The following DGKB variants were observed in gnomAD, a reference collection of about 807,000 sequenced individuals.
DGKB encodes the protein diacylglycerol kinase beta.
A neutral mutation model predicts 114.3 loss-of-function variants in DGKB; 67 were observed. The ratio of observed to expected loss-of-function variants is 0.59; its 90% CI spans 0.48 to 0.72. DGKB has a LOEUF of 0.72. Ranked by LOEUF, DGKB falls within the 30% of genes least tolerant of loss-of-function variation. The pLI, the probability that DGKB is intolerant of heterozygous loss-of-function variation, is 0.00. For synonymous variants in DGKB, 398 were observed against 323.1 expected (o/e 1.23, Z -2.49); for missense variants, 907 against 975.2 (o/e 0.93, Z 0.93).
At chr7:14,762,919 C>A (rs966976252) in intron 2 of DGKB, among the ~76,000 whole-genome samples, 4 of 152,110 alleles carry the variant, frequency 2.6e-5, no homozygotes, top group African/African-American at 9.7e-5. Flanking sequence ...AATCCTTGTT[C>A]CTTTATTTCA....
At chr7:14,442,262 A>T (rs181556979) in intron 21 of DGKB, among the ~76,000 whole-genome samples, 95 of 151,918 alleles carry the variant, frequency 6.3e-4, no homozygotes, top group African/African-American at 2.2e-3. Flanking sequence ...TGTAAATAGC[A>T]TTTCTCTATT....
intron 21 of DGKB, among the ~76,000 whole-genome samples, chr7:14,372,061 C>G (rs1256900815): frequency 1.3e-5 from 2 of 152,170 alleles, no homozygotes; most frequent in African/African-American, 4.8e-5. Context: ...AAGTGCCTTT[C>G]TCTTTCAGCG....
chr7:14,265,874 A>G (rs1232550027), intron 23 of DGKB, among the ~76,000 whole-genome samples: 1 of 152,228 alleles, frequency 6.6e-6, no homozygotes, highest in African/African-American at 2.4e-5. Flanking sequence ...GTAAACATAT[A>G]TAAAACAATT....
Position 14,643,936 on chromosome 7 carries a change from G to A in DGKB, c.1135-13668C>T, listed in dbSNP as rs532519646. ...GCGCACCTTTGCACACCATTTAGGA[G>A]CCAGAGGAGTGGACCAACCAGGGTC... On this transcript the variant is annotated intron_variant, in intron 13 of 25. Coordinates refer to ENST00000402815, the MANE Select transcript of DGKB (RefSeq NM_001350709.2). 2.0e-5 allele frequency among the ~76,000 whole-genome samples: 3 copies of A among 152,258 alleles called. No homozygotes were observed. In the South Asian group the frequency reaches 6.2e-4, roughly 32 times the overall value.
chr7:14,446,024 G>A (rs754068428), intron 21 of DGKB, among the ~76,000 whole-genome samples: 24 of 151,956 alleles, frequency 1.6e-4, no homozygotes, highest in Non-Finnish European at 1.3e-4. Context: ...AGGAAAACCC[G>A]TGCTTTCTTG....
chr7:14,665,055 C>T (rs766085206), intron 13 of DGKB, among the ~76,000 whole-genome samples: 1 of 151,886 alleles, frequency 6.6e-6, no homozygotes. Context: ...ACAATGGTTA[C>T]TTATGTATCA....
chr7:14,823,946 AAG>A lies in DGKB; in HGVS notation c.70+17246_70+17247del, dbSNP rs541896620. Reference sequence around the variant, plus strand: ...CTGAGACTGGATCATTTATAAAAGAAAGAGGTTTAATTGACTCATAGTTCCAC... The same window carrying A: ...CTGAGACTGGATCATTTATAAAAGAAAGGTTTAATTGACTCATAGTTCCAC... On this transcript the variant is annotated intron_variant, in intron 2 of 25. Transcript: ENST00000402815. Among the ~76,000 whole-genome samples the A allele has an allele frequency of 1.4e-3, 210 of 152,336 alleles. 1 individual carries two copies. The highest frequency in any genetic ancestry group is 4.8e-3 in the African/African-American group (201 of 41,574).
chr7:14,769,228 G>GAAAGAA lies in DGKB; in HGVS notation c.71-11498_71-11497insTTCTTT, dbSNP rs1554265922. On this transcript the variant is annotated intron_variant, in intron 2 of 25. Coordinates refer to ENST00000402815, the MANE Select transcript of DGKB (RefSeq NM_001350709.2). ...GAAAGGAAAGAAAGAGAAAGAGAGA[G>GAAAGAA]AGAAAGAAAGAAAGAAAGAAAGAAA... 3.8e-4 allele frequency among the ~76,000 whole-genome samples: 46 copies of GAAAGAA among 119,686 alleles called. 1 individual carries two copies. Among genetic ancestry groups the GAAAGAA allele is most frequent in the South Asian group, 8.8e-4 (3 of 3,398 alleles). 78.5% of individuals were successfully genotyped at this position (119,686 alleles called of 152,430 possible).
At chr7:14,499,739 G>A (rs944127756) in intron 20 of DGKB, among the ~76,000 whole-genome samples, 22 of 151,898 alleles carry the variant, frequency 1.4e-4, no homozygotes, top group Middle Eastern at 6.8e-3. Context: ...ATAAACTAAC[G>A]TTAATATCAA....
intron 23 of DGKB, among the ~76,000 whole-genome samples, chr7:14,215,704 G>C (rs1788840922): frequency 6.6e-6 from 1 of 152,064 alleles, no homozygotes; most frequent in African/African-American, 2.4e-5. Flanking sequence ...GGTAGGATTT[G>C]CCATCAGCCA....
chr7:14,858,008 G>T lies in DGKB; in HGVS notation c.-187-16558C>A, dbSNP rs573932590. The stretch of plus-strand genomic sequence containing the variant: ...TGAACCTTTATAATTAATGCTCAAA[G>T]GATAGTAGTTCTCAGCCATTATTAA... On this transcript the variant is annotated intron_variant, in intron 1 of 25. Coordinates refer to ENST00000402815, the MANE Select transcript of DGKB (RefSeq NM_001350709.2). Among the ~76,000 whole-genome samples, 86 of 152,148 alleles carry T rather than the reference G, an allele frequency of 5.7e-4. 1 individual carries two copies. In the Middle Eastern group the frequency reaches 0.01, roughly 18 times the overall value.
At chr7:14,847,154 G>A (rs1848735226) in intron 1 of DGKB, among the ~76,000 whole-genome samples, 1 of 152,044 alleles carries the variant, frequency 6.6e-6, no homozygotes, top group African/African-American at 2.4e-5. Flanking sequence ...AACAGAGCGT[G>A]GTGGTGGGCA....
chr7:14,868,497 G>A (rs1014411250), intron 1 of DGKB, among the ~76,000 whole-genome samples: 4 of 151,928 alleles, frequency 2.6e-5, no homozygotes, highest in African/African-American at 7.3e-5. Context: ...ACAATGCCCA[G>A]CTAATTTTGT....
chr7:14,653,793 A>G (rs1377278911), intron 13 of DGKB, among the ~76,000 whole-genome samples: 3 of 152,120 alleles, frequency 2.0e-5, no homozygotes, highest in Non-Finnish European at 2.9e-5. Flanking sequence ...TCATCATAAT[A>G]GAAACCAAAA....
intron 3 of DGKB, among the ~76,000 whole-genome samples, chr7:14,754,808 T>C (rs971165143): frequency 1.3e-5 from 2 of 152,164 alleles, no homozygotes; most frequent in Non-Finnish European, 2.9e-5. Flanking sequence ...GAGTCATTAA[T>C]ATGTATGTGT....
In DGKB at chr7:14,329,775, T is replaced by A. The variant is rs551055954; in HGVS notation, c.2122+8740A>T. 2.0e-5 allele frequency among the ~76,000 whole-genome samples: 3 copies of A among 152,136 alleles called. No individual in the cohort carries two copies. The South Asian group carries it at 6.2e-4, about 31-fold the overall frequency. ...TATGGATAGCCTCATATCTGGAAAC[T>A]TTATGTGTCTACTATTAGAAGGTAT... On this transcript the variant is annotated intron_variant, in intron 23 of 25. Transcript: ENST00000402815.
intron 21 of DGKB, among the ~76,000 whole-genome samples, chr7:14,379,783 C>T (rs1167248595): frequency 6.6e-6 from 1 of 152,160 alleles, no homozygotes. Flanking sequence ...TGGTCTTGAT[C>T]TCCTGACCTC....
intron 23 of DGKB, among the ~76,000 whole-genome samples, chr7:14,278,372 G>C (rs1799340636): frequency 6.6e-6 from 1 of 152,188 alleles, no homozygotes. Flanking sequence ...AGGCAAAGAT[G>C]CCAAAAACAC....
At chr7:14,690,748 A>T (rs1822692885) in intron 9 of DGKB, among the ~76,000 whole-genome samples, 1 of 152,250 alleles carries the variant, frequency 6.6e-6, no homozygotes, top group Non-Finnish European at 1.5e-5. Context: ...CAATCACTGG[A>T]ACAGAGTTTA....
Sources: allele counts gnomAD v4.1 joint callset (sites outside exome capture counted in the v4.1 genomes callset), GRCh38; gene constraint gnomAD v4.1.1; transcripts MANE v1.5; gene names NCBI Gene and HGNC (gene_info 2026-07-23, HGNC 2026-07-21).